Variants in BAALC observed in about 807,000 individuals in gnomAD.
The protein encoded by BAALC is brain and acute leukemia cytoplasmic protein.
In BAALC, 9 loss-of-function variants were observed where a neutral mutation model predicts 15.5. The ratio of observed to expected loss-of-function variants is 0.58; its 90% CI spans 0.35 to 1.02. The LOEUF (loss-of-function observed/expected upper bound fraction) is 1.02, where lower values mean the gene tolerates loss of function less well. BAALC is among the 50% of genes least tolerant of loss of function. The pLI, the probability that BAALC is intolerant of heterozygous loss-of-function variation, is 0.02. For missense variants in BAALC, 201 were observed against 192.4 expected (o/e 1.04, Z -0.27); for synonymous variants, 80 against 74.6 (o/e 1.07, Z -0.37).
intron 1 of BAALC, chr8:103,183,330 C>T (rs1029447961): frequency 4.7e-5 from 33 of 702,784 alleles, no homozygotes; most frequent in Non-Finnish European, 8.3e-5. Context: ...GTCCTAACCA[C>T]TTCCACTGTT....
chr8:103,200,801 C>T, intron 1 of BAALC: 1 of 656,752 alleles, frequency 1.5e-6, no homozygotes. Flanking sequence ...TTTATAAGGG[C>T]ACCAATATCG....
In BAALC at chr8:103,140,863, C is replaced by T. The variant is rs1425826816; in HGVS notation, c.-35C>T. Reference sequence around the variant, plus strand: ...CTGAGCCGCCGCCAGAGCCGACAGCCGAGCAGCCGCTGGGCGCTCCCGCGG... The same window carrying T: ...CTGAGCCGCCGCCAGAGCCGACAGCTGAGCAGCCGCTGGGCGCTCCCGCGG... On this transcript the variant is annotated 5_prime_UTR_variant, in exon 1 of 3. Coordinates refer to ENST00000309982, the MANE Select transcript of BAALC (RefSeq NM_024812.3). This position sits in a 1 kb window ranked among gnomAD's most constrained non-coding sequence, Gnocchi z 4.2. 1 of 1,465,638 alleles carries T rather than the reference C, an allele frequency of 6.8e-7. No homozygotes were observed. The highest frequency in any genetic ancestry group is 2.6e-5 in the Admixed American group (1 of 38,760). 90.8% of individuals were successfully genotyped at this position (1,465,638 alleles called of 1,614,324 possible). A position where few individuals can be genotyped will look rare whatever the true frequency, so the allele number is the denominator to read the frequency against.
chr8:103,187,475 G>C (rs893052269), intron 1 of BAALC, among the ~76,000 whole-genome samples: 1 of 152,210 alleles, frequency 6.6e-6, no homozygotes, highest in Non-Finnish European at 1.5e-5. Flanking sequence ...CCCTGCTCCA[G>C]AGCCAGAGTG....
chr8:103,176,488 G>A (rs62527644), intron 1 of BAALC, among the ~76,000 whole-genome samples: 14,595 of 152,026 alleles, frequency 0.096, 969 homozygotes, highest in Non-Finnish European at 0.15. Flanking sequence ...AGAGAGAGGA[G>A]AGGGATAGAT....
At chr8:103,163,967 G>A (rs1252589877) in intron 1 of BAALC, among the ~76,000 whole-genome samples, 1 of 152,174 alleles carries the variant, frequency 6.6e-6, no homozygotes, top group East Asian at 1.9e-4. Flanking sequence ...TTGGGTTTGA[G>A]CTAATGGTGA....
intron 1 of BAALC, chr8:103,171,983 G>A (rs970122248): frequency 6.6e-6 from 1 of 152,214 alleles, no homozygotes; most frequent in African/African-American, 2.4e-5. Context: ...CCTCAACGTT[G>A]CCGCAGCTGC....
At chr8:103,200,811 G>A (rs373671227) in intron 1 of BAALC, 12 of 639,772 alleles carry the variant, frequency 1.9e-5, no homozygotes, top group East Asian at 8.2e-5. Flanking sequence ...CACCAATATC[G>A]TTCATGAAGA....
intron 1 of BAALC, among the ~76,000 whole-genome samples, chr8:103,197,947 C>A (rs548341669): frequency 6.6e-6 from 1 of 152,326 alleles, no homozygotes; most frequent in South Asian, 2.1e-4. Flanking sequence ...ACTATATCAG[C>A]CTTCATCCCA....
At chr8:103,215,554 C>T (rs1318440831) in intron 2 of BAALC, among the ~76,000 whole-genome samples, 1 of 152,188 alleles carries the variant, frequency 6.6e-6, no homozygotes, top group Non-Finnish European at 1.5e-5. Flanking sequence ...TCTGACTTTT[C>T]CAGGGCTGGC....
intron 2 of BAALC, among the ~76,000 whole-genome samples, chr8:103,218,214 G>A (rs969506555): frequency 7.2e-5 from 11 of 151,970 alleles, no homozygotes; most frequent in African/African-American, 9.7e-5. Flanking sequence ...CAATCCCCCC[G>A]CCTTATGCCT....
Position 103,140,989 on chromosome 8 carries a change from C to T in BAALC, c.92C>T (p.Thr31Ile), listed in dbSNP as rs1413074914. The change falls in exon 1 of 3, where the codon ACC becomes ATC. Residue 31 changes from threonine to isoleucine, a missense_variant. Physicochemically the swap from Thr to Ile is moderately conservative, Grantham distance 89 (BLOSUM62 -1). Coordinates refer to ENST00000309982, the MANE Select transcript of BAALC (RefSeq NM_024812.3). The surrounding 1 kb of genome is among the most constrained non-coding windows in gnomAD (Gnocchi z 4.2). ...ACAGAATCCACCTGGCTCACCTACA[C>T]CGACTCGGACGCGCCGCCCAGCGCC... ...RETESTWLTY[T>I]DSDAPPSAAA... The T allele has an allele frequency of 2.6e-6, 4 of 1,532,896 alleles. No individual in the cohort carries two copies. Among genetic ancestry groups the T allele is most frequent in the African/African-American group, 1.4e-5 (1 of 69,938 alleles). The allele number at this position is 1,532,896 out of a possible 1,614,324, so 95.0% of individuals were successfully genotyped here. A position where few individuals can be genotyped will look rare whatever the true frequency, so the allele number is the denominator to read the frequency against.
intron 2 of BAALC, among the ~76,000 whole-genome samples, chr8:103,222,166 G>A (rs1812690791): frequency 1.3e-5 from 2 of 152,118 alleles, no homozygotes; most frequent in South Asian, 4.2e-4. Flanking sequence ...TTGTGTAGAG[G>A]AAGCTCTTAG....
intron 1 of BAALC, among the ~76,000 whole-genome samples, chr8:103,209,710 C>G (rs1812407615): frequency 3.3e-5 from 5 of 152,204 alleles, no homozygotes. Context: ...CAACTCACCC[C>G]ACTTGTGACT....
At chr8:103,157,145 C>A (rs1049815500) in intron 1 of BAALC, 6 of 151,982 alleles carry the variant, frequency 3.9e-5, no homozygotes, top group Admixed American at 1.3e-4. Context: ...CACACACACA[C>A]ACACACCACA....
chr8:103,226,546 G>A (rs757722258), intron 2 of BAALC, among the ~76,000 whole-genome samples: 4 of 152,170 alleles, frequency 2.6e-5, no homozygotes, highest in East Asian at 1.9e-4. Context: ...AAGCCCACTC[G>A]TGTTCACCCC....
chr8:103,178,465 A>G, intron 1 of BAALC, among the ~76,000 whole-genome samples: 1 of 152,226 alleles, frequency 6.6e-6, no homozygotes, highest in Non-Finnish European at 1.5e-5. Flanking sequence ...ATCTTGTACT[A>G]CAATTCTGTA....
intron 1 of BAALC, among the ~76,000 whole-genome samples, chr8:103,209,608 C>T (rs1390668615): frequency 6.6e-6 from 1 of 152,082 alleles, no homozygotes; most frequent in East Asian, 1.9e-4. Context: ...GACGTATCTA[C>T]CAAAGCCTCA....
intron 1 of BAALC, chr8:103,208,367 T>C (rs1229651291): frequency 6.6e-6 from 1 of 152,356 alleles, no homozygotes; most frequent in East Asian, 1.9e-4. Flanking sequence ...ATGAAAACTC[T>C]AGACCAAATG....
chr8:103,218,579 C>T (rs1469877388), intron 2 of BAALC, among the ~76,000 whole-genome samples: 2 of 151,946 alleles, frequency 1.3e-5, no homozygotes, highest in Non-Finnish European at 2.9e-5. Flanking sequence ...CCTTAAAATA[C>T]CTCCTCAAGT....
Sources: gnomAD v4.1 joint callset for allele counts (sites outside exome capture counted in the v4.1 genomes callset) on GRCh38, gnomAD v4.1.1 for gene constraint, Gnocchi (gnomAD v3.1) non-coding constraint, MANE v1.5 for transcripts, NCBI Gene and HGNC (gene_info 2026-07-23, HGNC 2026-07-21) for gene names.